The following TRHDE variants were observed in gnomAD, a reference collection of about 807,000 sequenced individuals.
The protein encoded by TRHDE is thyrotropin-releasing hormone-degrading ectoenzyme.
TRHDE carries 72 observed loss-of-function variants against 125.7 expected under a neutral mutation model. The observed-to-expected ratio is 0.57, with a 90% CI of 0.47 to 0.70. The LOEUF is 0.70. Ranked by LOEUF, TRHDE falls within the 30% of genes least tolerant of loss-of-function variation. TRHDE has a pLI of 0.00. For missense variants in TRHDE, 1,110 were observed against 1,327.1 expected (o/e 0.84, Z 2.54); for synonymous variants, 509 against 509.1 (o/e 1.00, Z 0.00).
At chr12:72,574,637 T>C (rs773759908) in intron 10 of TRHDE, among the ~76,000 whole-genome samples, 1 of 152,126 alleles carries the variant, frequency 6.6e-6, no homozygotes. Flanking sequence ...GATAATCAAA[T>C]TACCATTTTC....
intron 3 of TRHDE, among the ~76,000 whole-genome samples, chr12:72,461,993 C>G (rs922655842): frequency 3.3e-5 from 5 of 152,096 alleles, no homozygotes; most frequent in Admixed American, 2.0e-4. Context: ...CTGTTAATAT[C>G]CCCATGTTAT....
intron 6 of TRHDE, among the ~76,000 whole-genome samples, chr12:72,519,072 C>T (rs924936237): frequency 6.6e-6 from 1 of 152,150 alleles, no homozygotes; most frequent in Non-Finnish European, 1.5e-5. Flanking sequence ...TCTGGCTGCC[C>T]TTAACATTTT....
At chr12:72,360,206 C>T (rs1003483264) in intron 2 of TRHDE, among the ~76,000 whole-genome samples, 1 of 151,656 alleles carries the variant, frequency 6.6e-6, no homozygotes, top group African/African-American at 2.4e-5. Flanking sequence ...TAAAAAGACC[C>T]AGAAAGTACA....
chr12:72,149,587 CT>C (rs201795573), intron 2 of TRHDE, among the ~76,000 whole-genome samples: 2,630 of 148,684 alleles, frequency 0.018, 41 homozygotes, highest in Middle Eastern at 0.042. Context: ...AACACTCATT[CT>C]TTTTTTTTTC....
At chr12:72,393,793 G>T (rs1241387618) in intron 3 of TRHDE, among the ~76,000 whole-genome samples, 1 of 152,166 alleles carries the variant, frequency 6.6e-6, no homozygotes, top group Non-Finnish European at 1.5e-5. Context: ...GTTGAGCTGA[G>T]ATGTGAAGTA....
In TRHDE at chr12:72,564,267, G is replaced by T. The variant is rs572135988; in HGVS notation, c.2042+1227G>T. 1.3e-4 allele frequency among the ~76,000 whole-genome samples: 20 copies of T among 152,230 alleles called. No homozygotes were observed. The South Asian group carries it at 4.1e-3, about 32-fold the overall frequency. ...TGTCAATGCTTCTTCCCCGAGCCTG[G>T]ATTTCCCACATCTGCCAAGTGCTGT... On this transcript the variant is annotated intron_variant, in intron 9 of 18. Transcript: ENST00000261180.
intron 7 of TRHDE, among the ~76,000 whole-genome samples, chr12:72,558,723 T>A (rs1325225143): frequency 6.6e-6 from 1 of 152,066 alleles, no homozygotes; most frequent in Non-Finnish European, 1.5e-5. Context: ...ATTTAGGTCA[T>A]GGATTATTAA....
At chr12:72,491,236 A>T (rs1468305545) in intron 5 of TRHDE, among the ~76,000 whole-genome samples, 1 of 151,974 alleles carries the variant, frequency 6.6e-6, no homozygotes, top group Non-Finnish European at 1.5e-5. Flanking sequence ...AGCACATGGC[A>T]TATGGAGATT....
intron 15 of TRHDE, among the ~76,000 whole-genome samples, chr12:72,626,522 G>A (rs1821311): frequency 0.19 from 29,245 of 151,772 alleles, 5,925 homozygotes; most frequent in African/African-American, 0.52. Context: ...GACATAAAAT[G>A]TAAAACAAAA....
chr12:72,352,084 A>G (rs572905113), intron 2 of TRHDE, among the ~76,000 whole-genome samples: 4 of 152,002 alleles, frequency 2.6e-5, no homozygotes, highest in African/African-American at 7.2e-5. Flanking sequence ...CAATTTTTAA[A>G]TGAACGTTTG....
intron 12 of TRHDE, among the ~76,000 whole-genome samples, chr12:72,593,168 T>G (rs1871767059): frequency 6.6e-6 from 1 of 152,186 alleles, no homozygotes; most frequent in Non-Finnish European, 1.5e-5. Context: ...TGGTTGCCAG[T>G]CCAGAAAGGC....
At chr12:72,387,075 T>C (rs994496876) in intron 3 of TRHDE, among the ~76,000 whole-genome samples, 6 of 152,214 alleles carry the variant, frequency 3.9e-5, no homozygotes, top group Non-Finnish European at 8.8e-5. Context: ...CTGATACTTA[T>C]GATTCCTAAA....
intron 2 of TRHDE, among the ~76,000 whole-genome samples, chr12:72,237,516 T>G (rs1289798371): frequency 6.6e-6 from 1 of 152,186 alleles, no homozygotes; most frequent in African/African-American, 2.4e-5. Context: ...CCTTTTTGTT[T>G]TCTCTGCACC....
chr12:72,357,065 A>T (rs962389272), intron 2 of TRHDE, among the ~76,000 whole-genome samples: 1 of 151,536 alleles, frequency 6.6e-6, no homozygotes, highest in African/African-American at 2.4e-5. Flanking sequence ...GCTTTTATGT[A>T]TACTTAAAAC....
chr12:72,405,956 C>G, intron 3 of TRHDE, among the ~76,000 whole-genome samples: 1 of 152,160 alleles, frequency 6.6e-6, no homozygotes, highest in East Asian at 1.9e-4. Flanking sequence ...GTCTCATTAA[C>G]TCCCTCAATA....
intron 2 of TRHDE, among the ~76,000 whole-genome samples, chr12:72,213,582 T>G (rs1877828455): frequency 6.6e-6 from 1 of 152,142 alleles, no homozygotes; most frequent in Non-Finnish European, 1.5e-5. Context: ...AATTGAAATC[T>G]GCTCTTTCCA....
At chr12:72,339,594 T>G (rs1869989000) in intron 2 of TRHDE, among the ~76,000 whole-genome samples, 2 of 152,176 alleles carry the variant, frequency 1.3e-5, no homozygotes, top group African/African-American at 4.8e-5. Context: ...AATGAGCATC[T>G]TCTATTTCTC....
chr12:72,435,326 T>C (rs1478556569), intron 3 of TRHDE, among the ~76,000 whole-genome samples: 1 of 152,194 alleles, frequency 6.6e-6, no homozygotes, highest in African/African-American at 2.4e-5. Flanking sequence ...CAGCAGTTTA[T>C]TTAACTAATC....
intron 2 of TRHDE, among the ~76,000 whole-genome samples, chr12:72,130,877 T>C (rs1875843716): frequency 6.6e-6 from 1 of 152,080 alleles, no homozygotes; most frequent in Non-Finnish European, 1.5e-5. Flanking sequence ...CTAGTGAAGA[T>C]AAAGGGAGAC....
Sources: gnomAD v4.1 joint callset for allele counts (sites outside exome capture counted in the v4.1 genomes callset) on GRCh38, gnomAD v4.1.1 for gene constraint, MANE v1.5 for transcripts, NCBI Gene and HGNC (gene_info 2026-07-23, HGNC 2026-07-21) for gene names.